Variants in TMEM255B observed in about 807,000 individuals in gnomAD.
The protein encoded by TMEM255B is transmembrane protein 255B.
In TMEM255B, 35 loss-of-function variants were observed where a neutral mutation model predicts 34.5. The observed-to-expected ratio is 1.01, with a 90% CI of 0.77 to 1.34. The LOEUF (loss-of-function observed/expected upper bound fraction) is 1.34. Ranked by LOEUF, TMEM255B falls within the 40% of genes most tolerant of loss-of-function variation. The pLI, the probability that TMEM255B is intolerant of heterozygous loss-of-function variation, is 0.00. For missense variants in TMEM255B, 432 were observed against 433.2 expected (o/e 1.00, Z 0.02); for synonymous variants, 206 against 201.2 (o/e 1.02, Z -0.20).
rs2051341426 is a variant in TMEM255B, at chr13:113,812,856, T to TCCCGGGTGGGTCACAGGC, written c.*970_*971insCCCCGGGTGGGTCACAGG. 1.1e-5 allele frequency: 1 copy of TCCCGGGTGGGTCACAGGC among 92,932 alleles called. No homozygotes were observed. Among genetic ancestry groups the TCCCGGGTGGGTCACAGGC allele is most frequent in the African/African-American group, 7.4e-5 (1 of 13,444 alleles). The allele number at this position is 92,932 out of a possible 1,614,324, so 5.8% of individuals were successfully genotyped here. On this transcript the variant is annotated 3_prime_UTR_variant, in exon 9 of 9. Transcript: ENST00000375353. ...ACAGGTCCCGGGTGGGTCACAGGCATCCCGGGTGGGTCACAGGTCCCGAGT... is the reference window on the plus strand; with the variant it reads ...ACAGGTCCCGGGTGGGTCACAGGCATCCCGGGTGGGTCACAGGCCCCGGGTGGGTCACAGGTCCCGAGT...
chr13:113,766,912 A>C (rs1594618868), intron 2 of TMEM255B, among the ~76,000 whole-genome samples: 1 of 152,342 alleles, frequency 6.6e-6, no homozygotes, highest in African/African-American at 2.4e-5. Context: ...AAAAGTATCA[A>C]GGTTTTTTGA....
At position 113,766,095 on chromosome 13, in the gene TMEM255B, C is replaced by A. The variant is rs759893292; in HGVS notation, c.47-20C>A. Reference sequence around the variant, plus strand: ...TGAGCCTGAGCCCTCACTGACAGGTCCTCGCCTTCCTCCCCACAGAAGGGC... The same window carrying A: ...TGAGCCTGAGCCCTCACTGACAGGTACTCGCCTTCCTCCCCACAGAAGGGC... On this transcript the variant is annotated intron_variant, in intron 1 of 8. Transcript: ENST00000375353. 6 of 1,613,448 alleles carry A rather than the reference C, an allele frequency of 3.7e-6. No homozygotes were observed. In the East Asian group the frequency reaches 1.3e-4, roughly 36 times the overall value.
At position 113,759,333 on chromosome 13, in the gene TMEM255B, G is replaced by A. The variant is rs1286504759; in HGVS notation, c.46+18G>A. 32 of 1,229,172 alleles carry A rather than the reference G, an allele frequency of 2.6e-5. No homozygotes were observed. Among genetic ancestry groups the A allele is most frequent in the Non-Finnish European group, 3.1e-5 (31 of 986,298 alleles). 76.1% of individuals were successfully genotyped at this position (1,229,172 alleles called of 1,614,324 possible). ...CCCCGCAGGTGAGCGCGGGGCTGGGGGCTCGTCTCGGCTCCTGCGGGGGAG... is the reference window on the plus strand; with the variant it reads ...CCCCGCAGGTGAGCGCGGGGCTGGGAGCTCGTCTCGGCTCCTGCGGGGGAG... On this transcript the variant is annotated intron_variant, in intron 1 of 8. Transcript: ENST00000375353.
intron 5 of TMEM255B, among the ~76,000 whole-genome samples, chr13:113,800,344 G>GTGTT (rs1555367613): frequency 1.0e-5 from 1 of 95,286 alleles, no homozygotes; most frequent in Non-Finnish European, 2.2e-5. Context: ...TGTGTGTGTT[G>GTGTT]GGGGGTGTCC....
rs2051385224 is a variant in TMEM255B at position 113,814,856 on chromosome 13, G to A, written c.*2953G>A. 1 of 151,124 alleles carries A rather than the reference G, an allele frequency of 6.6e-6. No individual in the cohort carries two copies. The highest frequency in any genetic ancestry group is 1.5e-5 in the Non-Finnish European group (1 of 67,810). The allele number at this position is 151,124 out of a possible 1,614,324, so 9.4% of individuals were successfully genotyped here. On this transcript the variant is annotated 3_prime_UTR_variant, in exon 9 of 9. Transcript: ENST00000375353. Reference sequence around the variant, plus strand: ...GGAGATGGGGTGGAGGGGATGGTGGGGCAGGGGGTGCTGGGGGGTTTGGGG... The same window carrying A: ...GGAGATGGGGTGGAGGGGATGGTGGAGCAGGGGGTGCTGGGGGGTTTGGGG...
rs561409139 is a variant in TMEM255B, at chr13:113,806,370, C to G, written c.813+1342C>G. Among the ~76,000 whole-genome samples, 2 of 152,274 alleles carry G rather than the reference C, an allele frequency of 1.3e-5. No individual in the cohort carries two copies. The highest frequency in any genetic ancestry group is 4.8e-5 in the African/African-American group (2 of 41,542). On this transcript the variant is annotated intron_variant, in intron 8 of 8. Transcript: ENST00000375353. This position sits in a 1 kb window ranked among gnomAD's most constrained non-coding sequence, Gnocchi z 4.2. ...CTTGGGTCAGCCACCTTCAGCCATG[C>G]CCGGGACACAGCAGCTGTTGGGCTC...
intron 3 of TMEM255B, among the ~76,000 whole-genome samples, chr13:113,774,600 GACAC>G (rs752381364): frequency 8.1e-5 from 7 of 86,372 alleles, no homozygotes; most frequent in East Asian, 2.6e-4. Context: ...ACACACAAAT[GACAC>G]ACACCACACA....
At chr13:113,786,020 G>A (rs964947685) in intron 3 of TMEM255B, among the ~76,000 whole-genome samples, 1 of 152,308 alleles carries the variant, frequency 6.6e-6, no homozygotes, top group African/African-American at 2.4e-5. Context: ...TTCACACAAC[G>A]TGGGGTAAAT....
intron 7 of TMEM255B, 22 bp downstream of exon 7, chr13:113,801,834 C>A: frequency 6.4e-7 from 1 of 1,563,456 alleles, no homozygotes; most frequent in Non-Finnish European, 8.7e-7. Context: ...TGGTGGGACC[C>A]CCGCTGCTCA....
intron 3 of TMEM255B, among the ~76,000 whole-genome samples, chr13:113,772,283 G>A (rs1390992976): frequency 6.6e-6 from 1 of 152,132 alleles, no homozygotes; most frequent in South Asian, 2.1e-4. Flanking sequence ...CTCACATTCT[G>A]TACATTGCCG....
In TMEM255B at chr13:113,810,293, G is replaced by C. The variant is rs9604510; in HGVS notation, c.814-1443G>C. On this transcript the variant is annotated intron_variant, in intron 8 of 8. Transcript: ENST00000375353. ...CTGTGTTATTTCTTAGAAGGAGTTTGTTTGCTTTATTTATTTAAAATTTGA... is the reference window on the plus strand; with the variant it reads ...CTGTGTTATTTCTTAGAAGGAGTTTCTTTGCTTTATTTATTTAAAATTTGA... Among the ~76,000 whole-genome samples the C allele has an allele frequency of 6.3e-3, 953 of 152,252 alleles. 11 individuals carry two copies. The highest frequency in any genetic ancestry group is 0.022 in the African/African-American group (916 of 41,554).
At position 113,801,649 on chromosome 13, in the gene TMEM255B, G is replaced by C. The variant is rs561727553; in HGVS notation, c.510-4G>C. ...GGTGACGCCATGGTGCCCTCTCTGT[G>C]CAGCGCAGAGCCCTCGCCCGCCTAC... On this transcript the variant is annotated splice_region_variant and splice_polypyrimidine_tract_variant and intron_variant, in intron 6 of 8. Coordinates refer to ENST00000375353, the MANE Select transcript of TMEM255B (RefSeq NM_182614.4). 6.3e-7 allele frequency: 1 copy of C among 1,599,162 alleles called. No individual in the cohort carries two copies. Among genetic ancestry groups the C allele is most frequent in the South Asian group, 1.1e-5 (1 of 89,620 alleles).
chr13:113,775,210 A>C (rs2050556219), intron 3 of TMEM255B, among the ~76,000 whole-genome samples: 1 of 151,728 alleles, frequency 6.6e-6, no homozygotes, highest in Non-Finnish European at 1.5e-5. Context: ...ACATACTACA[A>C]CACCACACAC....
intron 1 of TMEM255B, chr13:113,761,482 A>C: frequency 1.9e-6 from 1 of 519,244 alleles, no homozygotes; most frequent in Non-Finnish European, 2.5e-6. Flanking sequence ...ATATTCTGAG[A>C]TATCCTAGAT....
rs907820797 is a variant in TMEM255B at position 113,816,690 on chromosome 13, T to G, written c.*4787T>G. On this transcript the variant is annotated 3_prime_UTR_variant, in exon 9 of 9. Transcript: ENST00000375353. Reference sequence around the variant, plus strand: ...GGAGACCCACAGAGGCAGAAGAGGATTCCACGAGGCCGGGGCCCGTCAGCA... The same window carrying G: ...GGAGACCCACAGAGGCAGAAGAGGAGTCCACGAGGCCGGGGCCCGTCAGCA... 6.6e-6 allele frequency: 1 copy of G among 152,222 alleles called. No homozygotes were observed. Among genetic ancestry groups the G allele is most frequent in the Non-Finnish European group, 1.5e-5 (1 of 68,056 alleles). 9.4% of individuals were successfully genotyped at this position (152,222 alleles called of 1,614,324 possible). A position where few individuals can be genotyped will look rare whatever the true frequency, so the allele number is the denominator to read the frequency against.
chr13:113,806,146 C>T lies in TMEM255B; in HGVS notation c.813+1118C>T, dbSNP rs369421238. Among the ~76,000 whole-genome samples the T allele has an allele frequency of 2.6e-4, 40 of 152,320 alleles. No individual in the cohort carries two copies. The highest frequency in any genetic ancestry group is 9.1e-4 in the African/African-American group (38 of 41,568). ...CATCCGGGGGAGGCCTGTGCACACT[C>T]TGCCCTCACGTCCAGGACAGAGAGG... is the stretch of plus-strand genomic sequence containing the variant. On this transcript the variant is annotated intron_variant, in intron 8 of 8. Coordinates refer to ENST00000375353, the MANE Select transcript of TMEM255B (RefSeq NM_182614.4). This position sits in a 1 kb window ranked among gnomAD's most constrained non-coding sequence, Gnocchi z 4.2.
At chr13:113,801,616 C>T in intron 6 of TMEM255B, 37 bp from the exon 7 acceptor site, 2 of 1,551,424 alleles carry the variant, frequency 1.3e-6, no homozygotes, top group East Asian at 2.3e-5. Context: ...TGGTCACTTG[C>T]CTCGTGCGGT....
chr13:113,790,530 A>G (rs1235670775), intron 3 of TMEM255B, among the ~76,000 whole-genome samples: 1 of 106,554 alleles, frequency 9.4e-6, no homozygotes, highest in African/African-American at 3.5e-5. Context: ...GACTGACCGG[A>G]CACGTGGACA....
chr13:113,768,095 G>C (rs1334179466), intron 2 of TMEM255B: 1 of 430,358 alleles, frequency 2.3e-6, no homozygotes, highest in Non-Finnish European at 5.0e-6. Flanking sequence ...CATTAAACTT[G>C]ACACCACGGC....
Sources: allele counts gnomAD v4.1 joint callset (sites outside exome capture counted in the v4.1 genomes callset), GRCh38; gene constraint gnomAD v4.1.1; non-coding constraint Gnocchi (gnomAD v3.1); transcripts MANE v1.5; gene names NCBI Gene and HGNC (gene_info 2026-07-23, HGNC 2026-07-21).